TTC28: variants seen among roughly 807,000 people sequenced by gnomAD.
TTC28 encodes the protein tetratricopeptide repeat protein 28.
In TTC28, 61 loss-of-function variants were observed where a neutral mutation model predicts 198.0. That is an observed-to-expected ratio of 0.31 (90% CI 0.25 to 0.38). The LOEUF is 0.38. Among genes scored for constraint, TTC28 ranks in the 10% least tolerant of loss-of-function variants. The pLI is 1.00. For missense variants in TTC28, 2,678 were observed against 3,164.0 expected (o/e 0.85, Z 3.69); for synonymous variants, 1,171 against 1,297.8 (o/e 0.90, Z 2.10).
intron 2 of TTC28, among the ~76,000 whole-genome samples, chr22:28,492,288 C>G (rs974544497): frequency 6.6e-6 from 1 of 151,594 alleles, no homozygotes; most frequent in Non-Finnish European, 1.5e-5. Flanking sequence ...CTAAATAAAC[C>G]AATTAAAAGA....
intron 2 of TTC28, among the ~76,000 whole-genome samples, chr22:28,414,834 A>C (rs1437452766): frequency 1.3e-5 from 2 of 152,226 alleles, no homozygotes; most frequent in Admixed American, 6.5e-5. Context: ...TTTTGCATGG[A>C]AACTTCAAGA....
At chr22:28,446,204 G>T (rs950782372) in intron 2 of TTC28, among the ~76,000 whole-genome samples, 1 of 149,258 alleles carries the variant, frequency 6.7e-6, no homozygotes, top group African/African-American at 2.5e-5. Flanking sequence ...CTACTGCCTA[G>T]AACAGTGCCT....
intron 2 of TTC28, among the ~76,000 whole-genome samples, chr22:28,413,148 C>A (rs964503397): frequency 2.0e-5 from 3 of 152,110 alleles, no homozygotes; most frequent in Non-Finnish European, 2.9e-5. Context: ...ACTTTCTAGT[C>A]GTCTCAGCCG....
chr22:28,176,687 GTACAAT>G (rs1469821763), intron 5 of TTC28, among the ~76,000 whole-genome samples: 2 of 152,068 alleles, frequency 1.3e-5, no homozygotes, highest in African/African-American at 4.8e-5. Flanking sequence ...CCATAAATAT[GTACAAT>G]TACAAAGTAT....
intron 6 of TTC28, among the ~76,000 whole-genome samples, chr22:28,130,166 C>T (rs1384313897): frequency 6.6e-6 from 1 of 152,170 alleles, no homozygotes; most frequent in East Asian, 1.9e-4. Flanking sequence ...ATTCCTTTTA[C>T]ATTATAGTCT....
intron 5 of TTC28, among the ~76,000 whole-genome samples, chr22:28,220,136 G>C (rs987963932): frequency 6.6e-6 from 1 of 152,122 alleles, no homozygotes; most frequent in Non-Finnish European, 1.5e-5. Flanking sequence ...ATTTCCTTAG[G>C]AATGTTAGTA....
At chr22:28,097,712 G>A (rs745578558) in intron 10 of TTC28, among the ~76,000 whole-genome samples, 2 of 152,222 alleles carry the variant, frequency 1.3e-5, no homozygotes, top group Non-Finnish European at 2.9e-5. Flanking sequence ...AGATGCTGCA[G>A]CTGTGACAGC....
chr22:28,000,130 AG>A (rs1331741542), intron 15 of TTC28: 2 of 152,242 alleles, frequency 1.3e-5, no homozygotes, highest in African/African-American at 4.8e-5. Flanking sequence ...AGCGTCGAGA[AG>A]GCCAGCTCGC....
chr22:28,393,134 T>C (rs573419730), intron 2 of TTC28, among the ~76,000 whole-genome samples: 2 of 152,232 alleles, frequency 1.3e-5, no homozygotes, highest in Admixed American at 6.5e-5. Context: ...CCTCCGACCT[T>C]GGCCTCTCAA....
intron 5 of TTC28, among the ~76,000 whole-genome samples, chr22:28,222,190 G>A (rs962297003): frequency 6.6e-6 from 1 of 152,138 alleles, no homozygotes; most frequent in Non-Finnish European, 1.5e-5. Flanking sequence ...TGAAAAAACA[G>A]CACTAAATCT....
intron 6 of TTC28, among the ~76,000 whole-genome samples, chr22:28,148,612 C>CAA (rs35433132): frequency 0.097 from 7,257 of 74,828 alleles, 264 homozygotes; most frequent in African/African-American, 0.13. Flanking sequence ...GACTCTGTCT[C>CAA]AAAAAAAAAA....
intron 2 of TTC28, among the ~76,000 whole-genome samples, chr22:28,523,579 T>C (rs1386024475): frequency 6.6e-6 from 1 of 152,204 alleles, no homozygotes; most frequent in Admixed American, 6.5e-5. Flanking sequence ...GCGTTCCATG[T>C]GCTTGGCCCT....
In TTC28 at chr22:28,465,931, C is replaced by A. The variant is rs183032008; in HGVS notation, c.382-159288G>T. ...AAAGAGAAAGGAAGAAAGGCACATTCTTCCCTATAAAGATATGTCCAAGAA... is the reference window on the plus strand; with the variant it reads ...AAAGAGAAAGGAAGAAAGGCACATTATTCCCTATAAAGATATGTCCAAGAA... On this transcript the variant is annotated intron_variant, in intron 2 of 22. Coordinates refer to ENST00000397906, the MANE Select transcript of TTC28 (RefSeq NM_001145418.2). Among the ~76,000 whole-genome samples, 4 of 152,300 alleles carry A rather than the reference C, an allele frequency of 2.6e-5. No individual in the cohort carries two copies. In the East Asian group the frequency reaches 7.7e-4, roughly 29 times the overall value.
rs199948599 is a variant in TTC28 at position 28,328,756 on chromosome 22, A to AAATAAT, written c.382-22119_382-22114dup. Among the ~76,000 whole-genome samples the AAATAAT allele has an allele frequency of 2.3e-3, 315 of 134,388 alleles. 2 individuals are homozygous for AAATAAT. The highest frequency in any genetic ancestry group is 5.3e-3 in the East Asian group (25 of 4,694). 88.2% of individuals were successfully genotyped at this position (134,388 alleles called of 152,430 possible). On this transcript the variant is annotated intron_variant, in intron 2 of 22. Transcript: ENST00000397906. ...GCCACAGATCGAGACTCTGTCTCAA[A>AAATAAT]AATAATAATAATAATAATAATAATA...
intron 1 of TTC28, among the ~76,000 whole-genome samples, chr22:28,632,526 T>A (rs1033369077): frequency 6.6e-6 from 1 of 151,952 alleles, no homozygotes; most frequent in African/African-American, 2.4e-5. Context: ...TGAAAGTAAA[T>A]GGACTATGTA....
intron 12 of TTC28, among the ~76,000 whole-genome samples, chr22:28,038,291 A>G (rs904764535): frequency 1.3e-5 from 2 of 152,238 alleles, no homozygotes; most frequent in African/African-American, 4.8e-5. Flanking sequence ...ACAGTAACCA[A>G]AACAGCATGG....
chr22:28,402,923 C>A (rs1356114309), intron 2 of TTC28, among the ~76,000 whole-genome samples: 2 of 152,172 alleles, frequency 1.3e-5, no homozygotes, highest in East Asian at 3.8e-4. Context: ...CATGCTCTTA[C>A]CAGCAAGATT....
intron 2 of TTC28, among the ~76,000 whole-genome samples, chr22:28,417,524 G>A (rs1052916068): frequency 6.6e-6 from 1 of 151,882 alleles, no homozygotes; most frequent in Non-Finnish European, 1.5e-5. Flanking sequence ...TTCTATGTTG[G>A]ACAGACATTC....
chr22:28,409,276 A>G (rs2047044738), intron 2 of TTC28, among the ~76,000 whole-genome samples: 1 of 152,230 alleles, frequency 6.6e-6, no homozygotes, highest in Admixed American at 6.5e-5. Flanking sequence ...TCAGAGACAA[A>G]GAAATTCAAC....
Sources: allele counts gnomAD v4.1 joint callset (sites outside exome capture counted in the v4.1 genomes callset), GRCh38; gene constraint gnomAD v4.1.1; transcripts MANE v1.5; gene names NCBI Gene and HGNC (gene_info 2026-07-23, HGNC 2026-07-21).